The following SMCHD1 variants were observed in gnomAD, a reference collection of about 807,000 sequenced individuals.
SMCHD1 encodes structural maintenance of chromosomes flexible hinge domain-containing protein 1.
SMCHD1 carries 78 observed loss-of-function variants against 254.7 expected under a neutral mutation model. The ratio of observed to expected loss-of-function variants is 0.31; its 90% CI spans 0.26 to 0.37. The LOEUF is 0.37. SMCHD1 is among the 10% of genes least tolerant of loss of function. The probability of loss-of-function intolerance (pLI) is 1.00; values close to 1 mark genes in which losing one functional copy is unlikely to be tolerated. For synonymous variants in SMCHD1, 766 were observed against 794.9 expected, an observed-to-expected ratio of 0.96 and a Z score of 0.61; for missense variants, 1,840 against 2,408.1, an observed-to-expected ratio of 0.76 and a Z score of 4.94.
At chr18:2,740,570 A>G in intron 27 of SMCHD1, 133 bp from the exon 28 acceptor site, 1 of 410,158 alleles carries the variant, frequency 2.4e-6, no homozygotes, top group East Asian at 3.6e-5. Context: ...GAGTATAATT[A>G]TTATTTTTGT....
Position 2,760,664 on chromosome 18 carries a change from T to G in SMCHD1, c.4359T>G (p.Ile1453Met), listed in dbSNP as rs749585170. Residue 1453 changes from isoleucine to methionine, a missense_variant, in exon 35 of 48, where the codon ATT becomes ATG. This residue lies in a region of SMCHD1 where 881 missense variants were observed against 1,009.5 expected (regional missense o/e 0.87). Coordinates refer to ENST00000320876, the MANE Select transcript of SMCHD1 (RefSeq NM_015295.3). ...CTTTTAAATTTAGGGATAAAGTAATTCCTAATAAAGTGGGGACATATTGTA... is the reference window on the plus strand; with the variant it reads ...CTTTTAAATTTAGGGATAAAGTAATGCCTAATAAAGTGGGGACATATTGTA... ...DGCFYFRDKV[I>M]PNKVGTYCIQ... The G allele has an allele frequency of 1.9e-6, 3 of 1,553,078 alleles. No homozygotes were observed. In the East Asian group the frequency reaches 6.8e-5, roughly 35 times the overall value.
chr18:2,663,430 A>T (rs1484991724), intron 1 of SMCHD1, among the ~76,000 whole-genome samples: 1 of 152,076 alleles, frequency 6.6e-6, no homozygotes, highest in African/African-American at 2.4e-5. Flanking sequence ...GTACCTTTTC[A>T]GAAATCCCTT....
At chr18:2,709,810 A>G (rs928962285) in intron 17 of SMCHD1, among the ~76,000 whole-genome samples, 1 of 152,200 alleles carries the variant, frequency 6.6e-6, no homozygotes, top group Non-Finnish European at 1.5e-5. Context: ...ATCCCTTATC[A>G]GATAAATGAT....
intron 45 of SMCHD1, among the ~76,000 whole-genome samples, chr18:2,789,849 T>C (rs2076292296): frequency 6.6e-6 from 1 of 152,162 alleles, no homozygotes; most frequent in African/African-American, 2.4e-5. Flanking sequence ...CTAAGGACAC[T>C]GTAGAAGCCA....
intron 37 of SMCHD1, among the ~76,000 whole-genome samples, chr18:2,768,734 A>G (rs1656989583): frequency 6.6e-6 from 1 of 151,058 alleles, no homozygotes; most frequent in Admixed American, 6.6e-5. Context: ...TTAAATTGGC[A>G]TCTATACATT....
chr18:2,711,276 T>C (rs2074663051), intron 17 of SMCHD1, among the ~76,000 whole-genome samples: 1 of 151,544 alleles, frequency 6.6e-6, no homozygotes, highest in Non-Finnish European at 1.5e-5. Context: ...TTTTTTTTTT[T>C]TGTGGTGGAG....
intron 5 of SMCHD1, among the ~76,000 whole-genome samples, chr18:2,681,112 A>T (rs745858697): frequency 6.6e-6 from 1 of 151,994 alleles, no homozygotes. Flanking sequence ...AAAATATTTT[A>T]AAAAATTAGC....
chr18:2,729,741 C>T (rs1449986309), intron 24 of SMCHD1, among the ~76,000 whole-genome samples: 1 of 147,076 alleles, frequency 6.8e-6, no homozygotes, highest in Non-Finnish European at 1.5e-5. Flanking sequence ...TAGGGTCTCA[C>T]TCTGTTGTCT....
rs545156907 is a variant in SMCHD1, at chr18:2,685,916, A to G, written c.639-2478A>G. Among the ~76,000 whole-genome samples, 13 of 152,340 alleles carry G rather than the reference A, an allele frequency of 8.5e-5. No individual in the cohort carries two copies. In the East Asian group the frequency reaches 1.5e-3, roughly 18 times the overall value. On this transcript the variant is annotated intron_variant, in intron 5 of 47. Transcript: ENST00000320876. ...CCTTTTGTCTTTTGATAATGCTGCT[A>G]TGAACATTTGCATGCAAAATCTGAG...
intron 25 of SMCHD1, among the ~76,000 whole-genome samples, chr18:2,736,784 C>G (rs187351755): frequency 1.3e-5 from 2 of 152,154 alleles, no homozygotes; most frequent in Non-Finnish European, 2.9e-5. Context: ...AAAGGGAACA[C>G]TTATGCACTG....
intron 5 of SMCHD1, among the ~76,000 whole-genome samples, chr18:2,681,944 T>C (rs1490994395): frequency 6.6e-6 from 1 of 152,202 alleles, no homozygotes; most frequent in Admixed American, 6.5e-5. Context: ...TTTCCTAATA[T>C]TCCTAAAGAA....
chr18:2,689,558 A>T (rs1010251063), intron 7 of SMCHD1, among the ~76,000 whole-genome samples: 2 of 150,652 alleles, frequency 1.3e-5, no homozygotes, highest in African/African-American at 4.9e-5. Flanking sequence ...TTAATATATA[A>T]GTTAGTTTAC....
At chr18:2,774,742 T>C (rs1323427648) in intron 41 of SMCHD1, among the ~76,000 whole-genome samples, 1 of 152,190 alleles carries the variant, frequency 6.6e-6, no homozygotes, top group East Asian at 1.9e-4. Context: ...ACAATGTTCT[T>C]ATTGCTAGAG....
At chr18:2,691,983 C>A (rs924626579) in intron 7 of SMCHD1, 1 of 152,206 alleles carries the variant, frequency 6.6e-6, no homozygotes. Context: ...TGTGATAACA[C>A]AAAACTTTTA....
chr18:2,693,788 C>T (rs1178347308), intron 7 of SMCHD1, among the ~76,000 whole-genome samples: 4 of 152,086 alleles, frequency 2.6e-5, no homozygotes, highest in African/African-American at 7.2e-5. Context: ...TGTACCACCA[C>T]GCCTGGCTAC....
intron 35 of SMCHD1, among the ~76,000 whole-genome samples, chr18:2,761,049 A>G (rs557348679): frequency 5.1e-4 from 77 of 152,354 alleles, no homozygotes; most frequent in African/African-American, 1.8e-3. Context: ...TCAACCATGC[A>G]TGAAAAATAT....
intron 39 of SMCHD1, among the ~76,000 whole-genome samples, 164 bp downstream of exon 39, chr18:2,770,272 A>G (rs2075954110): frequency 6.6e-6 from 1 of 152,236 alleles, no homozygotes; most frequent in African/African-American, 2.4e-5. Flanking sequence ...AGAATTCTTA[A>G]GATGAAGTAT....
chr18:2,771,768 C>T, intron 40 of SMCHD1, 150 bp downstream of exon 40: 1 of 589,778 alleles, frequency 1.7e-6, no homozygotes, highest in Non-Finnish European at 2.7e-6. Context: ...AAATGACTAA[C>T]AAAATGATAG....
chr18:2,722,631 A>G lies in SMCHD1; in HGVS notation c.2571A>G (p.Leu857=). 2 of 1,612,498 alleles carry G rather than the reference A, an allele frequency of 1.2e-6. No individual in the cohort carries two copies. Among genetic ancestry groups the G allele is most frequent in the Non-Finnish European group, 1.7e-6 (2 of 1,179,254 alleles). ...FQDEFGHTSQ[L]VTDIQPVLEA... ...ATGAATTTGGTCATACCAGTCAACT[A>G]GTAACTGATATTCAGCCAGTTCTTG... is the stretch of plus-strand genomic sequence containing the variant. Residue 857 remains leucine (L), a synonymous_variant, in exon 20 of 48, where the codon CTA becomes CTG. Coordinates refer to ENST00000320876, the MANE Select transcript of SMCHD1 (RefSeq NM_015295.3).
Sources: gnomAD v4.1 joint callset for allele counts (sites outside exome capture counted in the v4.1 genomes callset) on GRCh38, gnomAD v4.1.1 for gene constraint, gnomAD v4.1.1 regional missense constraint, MANE v1.5 for transcripts, NCBI Gene and HGNC (gene_info 2026-07-23, HGNC 2026-07-21) for gene names.